CDH13: variants seen among roughly 807,000 people sequenced by gnomAD.
The protein encoded by CDH13 is cadherin-13.
CDH13 carries 24 observed loss-of-function variants against 63.8 expected under a neutral mutation model. The observed-to-expected ratio is 0.38, with a 90% CI of 0.27 to 0.53. CDH13 has a LOEUF of 0.53. Among genes scored for constraint, CDH13 ranks in the 20% least tolerant of loss-of-function variants. CDH13 has a pLI of 0.85. For missense variants in CDH13, 1,049 were observed against 903.1 expected (o/e 1.16, Z -2.07); for synonymous variants, 503 against 355.3 (o/e 1.42, Z -4.67).
chr16:82,962,170 G>A (rs1006756329), intron 2 of CDH13, among the ~76,000 whole-genome samples: 9 of 152,172 alleles, frequency 5.9e-5, no homozygotes, highest in African/African-American at 1.2e-4. Context: ...TTATCTGAGC[G>A]TATCCTAAAT....
At chr16:83,469,585 GT>G (rs567775270) in intron 6 of CDH13, among the ~76,000 whole-genome samples, 2 of 152,214 alleles carry the variant, frequency 1.3e-5, no homozygotes, top group Non-Finnish European at 2.9e-5. Context: ...ATGGGTTTTT[GT>G]CTATTGCATC....
intron 3 of CDH13, among the ~76,000 whole-genome samples, chr16:83,102,965 T>TTTTTTTTTTTTTTTTTC (rs2034570357): frequency 2.8e-5 from 3 of 107,864 alleles, no homozygotes; most frequent in East Asian, 5.5e-4. Flanking sequence ...TTTTTTTTTT[T>TTTTTTTTTTTTTTTTTC]TTTTTGAGGT....
chr16:83,525,198 G>A (rs932179301), intron 7 of CDH13, among the ~76,000 whole-genome samples: 47 of 152,224 alleles, frequency 3.1e-4, no homozygotes, highest in Admixed American at 1.1e-3. Flanking sequence ...CGGGCCAGTA[G>A]AATGTAGTAC....
intron 1 of CDH13, among the ~76,000 whole-genome samples, chr16:82,797,476 C>A (rs977792916): frequency 6.6e-6 from 1 of 152,180 alleles, no homozygotes; most frequent in Admixed American, 6.5e-5. Flanking sequence ...AAGACCCCAG[C>A]AAGCTTCTCA....
chr16:82,947,142 G>T (rs1904821504), intron 2 of CDH13, among the ~76,000 whole-genome samples: 1 of 151,808 alleles, frequency 6.6e-6, no homozygotes, highest in Non-Finnish European at 1.5e-5. Context: ...TGACAAGTTT[G>T]TATTTTAATT....
chr16:83,390,413 C>A (rs1037346551), intron 6 of CDH13, among the ~76,000 whole-genome samples: 4 of 151,858 alleles, frequency 2.6e-5, no homozygotes, highest in African/African-American at 9.7e-5. Context: ...AGCAGTAGAT[C>A]TTAACCTTAT....
intron 7 of CDH13, among the ~76,000 whole-genome samples, chr16:83,530,012 A>G (rs1220573035): frequency 6.6e-6 from 1 of 152,140 alleles, no homozygotes; most frequent in East Asian, 1.9e-4. Flanking sequence ...TGGAGTTGCA[A>G]GCAGAGGGTG....
rs541466282 is a variant in CDH13, at chr16:83,073,914, G to A, written c.366+41696G>A. Among the ~76,000 whole-genome samples, 6 of 152,138 alleles carry A rather than the reference G, an allele frequency of 3.9e-5. No individual in the cohort carries two copies. The South Asian group carries it at 1.2e-3, about 32-fold the overall frequency. On this transcript the variant is annotated intron_variant, in intron 3 of 13. Transcript: ENST00000567109. ...GGATATATGTGGTATTTTGTTACAT[G>A]TACAGAATGTGTAATGGTCAAGTCA...
intron 3 of CDH13, among the ~76,000 whole-genome samples, chr16:83,053,523 C>A (rs887372112): frequency 6.6e-6 from 1 of 151,872 alleles, no homozygotes; most frequent in Non-Finnish European, 1.5e-5. Context: ...GATAAACACA[C>A]CAATTGAAAA....
At chr16:83,037,728 T>C (rs370770528) in intron 3 of CDH13, among the ~76,000 whole-genome samples, 1 of 151,998 alleles carries the variant, frequency 6.6e-6, no homozygotes, top group Non-Finnish European at 1.5e-5. Flanking sequence ...AACAGCATAG[T>C]GGTGGGAGTT....
chr16:83,399,952 C>A (rs2091943110), intron 6 of CDH13, among the ~76,000 whole-genome samples: 1 of 152,104 alleles, frequency 6.6e-6, no homozygotes, highest in Admixed American at 6.6e-5. Context: ...AGAACAAACA[C>A]CAAAAAACCA....
intron 7 of CDH13, among the ~76,000 whole-genome samples, chr16:83,537,205 G>A (rs2075208306): frequency 1.3e-5 from 2 of 152,176 alleles, no homozygotes; most frequent in Admixed American, 1.3e-4. Context: ...TATCTACAAA[G>A]AAGGTACAGA....
intron 1 of CDH13, among the ~76,000 whole-genome samples, chr16:82,794,786 T>A (rs1288675088): frequency 1.3e-5 from 2 of 152,220 alleles, no homozygotes; most frequent in African/African-American, 4.8e-5. Context: ...AGTTGTAGAA[T>A]AATTTAAACC....
rs539133404 is a variant in CDH13 at position 83,531,773 on chromosome 16, C to T, written c.960+45118C>T. On this transcript the variant is annotated intron_variant, in intron 7 of 13. Coordinates refer to ENST00000567109, the MANE Select transcript of CDH13 (RefSeq NM_001257.5). ...CCGGAGCCTTTGGAAGCAGTGTGGC[C>T]CTGCGGCCACCTTAATTTTAGCACA... Among the ~76,000 whole-genome samples, 175 of 152,222 alleles carry T rather than the reference C, an allele frequency of 1.1e-3. 1 individual carries two copies. The highest frequency in any genetic ancestry group is 4.1e-3 in the African/African-American group (172 of 41,520).
chr16:82,929,282 C>T (rs948408719), intron 2 of CDH13, among the ~76,000 whole-genome samples: 2 of 151,984 alleles, frequency 1.3e-5, no homozygotes, highest in South Asian at 2.1e-4. Context: ...GGACTTTACT[C>T]TCAGGATATT....
intron 7 of CDH13, among the ~76,000 whole-genome samples, chr16:83,552,533 A>G (rs2075524532): frequency 6.6e-6 from 1 of 152,216 alleles, no homozygotes; most frequent in South Asian, 2.1e-4. Flanking sequence ...ACCGCAGAAT[A>G]TAGAGACAGA....
chr16:82,640,719 A>C (rs943314923), intron 1 of CDH13, among the ~76,000 whole-genome samples: 1 of 152,226 alleles, frequency 6.6e-6, no homozygotes, highest in African/African-American at 2.4e-5. Context: ...CTCAGTTGCC[A>C]TGAAAATCAT....
At chr16:83,165,527 C>G (rs904267990) in intron 4 of CDH13, among the ~76,000 whole-genome samples, 1 of 151,940 alleles carries the variant, frequency 6.6e-6, no homozygotes, top group African/African-American at 2.4e-5. Flanking sequence ...AAGTTCTGTG[C>G]TGAGGAAGGT....
At chr16:83,029,883 C>G (rs374596729) in intron 2 of CDH13, among the ~76,000 whole-genome samples, 3 of 152,256 alleles carry the variant, frequency 2.0e-5, no homozygotes, top group Non-Finnish European at 2.9e-5. Flanking sequence ...GTTTACTAAA[C>G]AAATAAGCCT....
Sources: gnomAD v4.1 joint callset for allele counts (sites outside exome capture counted in the v4.1 genomes callset) on GRCh38, gnomAD v4.1.1 for gene constraint, MANE v1.5 for transcripts, NCBI Gene and HGNC (gene_info 2026-07-23, HGNC 2026-07-21) for gene names.